FNTB: variants seen among roughly 807,000 people sequenced by gnomAD.
FNTB encodes the protein farnesyltransferase, CAAX box, subunit beta.
FNTB carries 27 observed loss-of-function variants against 59.4 expected under a neutral mutation model. That is an observed-to-expected ratio of 0.45 (90% confidence interval 0.34 to 0.63). The LOEUF (loss-of-function observed/expected upper bound fraction) is 0.63. Among genes scored for constraint, FNTB ranks in the 20% least tolerant of loss-of-function variants. FNTB has a pLI of 0.02. For synonymous variants in FNTB, 230 were observed against 220.7 expected (o/e 1.04, Z -0.37); for missense variants, 449 against 559.6 (o/e 0.80, Z 1.99).
In FNTB at chr14:64,994,655, A is replaced by C. The variant is rs72728225; in HGVS notation, c.144+7558A>C. ...TGTTATAAAAGATAAAAAATGATAG[A>C]CCTATCTAGGGAACTTAGCATGAAT... On this transcript the variant is annotated intron_variant, in intron 1 of 11. Transcript: ENST00000246166. This position sits in a 1 kb window ranked among gnomAD's most constrained non-coding sequence, Gnocchi z 4.2. Among the ~76,000 whole-genome samples the C allele has an allele frequency of 0.063, 9,551 of 152,292 alleles. 476 individuals are homozygous for C. The highest frequency in any genetic ancestry group is 0.14 in the Admixed American group (2,101 of 15,290).
In FNTB at chr14:65,001,639, C is replaced by A. The variant is rs920756075; in HGVS notation, c.145-2610C>A. Among the ~76,000 whole-genome samples the A allele has an allele frequency of 6.6e-6, 1 of 152,194 alleles. No homozygotes were observed. Among genetic ancestry groups the A allele is most frequent in the African/African-American group, 2.4e-5 (1 of 41,432 alleles). Reference sequence around the variant, plus strand: ...TATCCTGGGAGATCCTGGAACCAATCCCGCATGGATACTGAGGGATGATGG... The same window carrying A: ...TATCCTGGGAGATCCTGGAACCAATACCGCATGGATACTGAGGGATGATGG... On this transcript the variant is annotated intron_variant, in intron 1 of 11. Transcript: ENST00000246166. This position sits in a 1 kb window ranked among gnomAD's most constrained non-coding sequence, Gnocchi z 5.5.
chr14:65,029,156 G>A lies in FNTB; in HGVS notation c.605+1375G>A, dbSNP rs1328437288. ...CTCTTTGGGTGATGCTCTGCCATTC[G>A]TGCCCGTGCTTTCTATTTACATAAA... On this transcript the variant is annotated intron_variant, in intron 6 of 11. Transcript: ENST00000246166. This position sits in a 1 kb window ranked among gnomAD's most constrained non-coding sequence, Gnocchi z 4.7. Among the ~76,000 whole-genome samples, 1 of 152,052 alleles carries A rather than the reference G, an allele frequency of 6.6e-6. No individual in the cohort carries two copies. Among genetic ancestry groups the A allele is most frequent in the East Asian group, 1.9e-4 (1 of 5,194 alleles).
intron 7 of FNTB, among the ~76,000 whole-genome samples, chr14:65,040,468 TCTCA>T (rs1253543848): frequency 2.6e-5 from 4 of 151,924 alleles, no homozygotes; most frequent in Non-Finnish European, 4.4e-5. Flanking sequence ...GGAGACCTAG[TCTCA>T]CTCTTTCACC....
intron 7 of FNTB, among the ~76,000 whole-genome samples, chr14:65,033,745 T>A (rs111955910): frequency 0.011 from 1,683 of 152,196 alleles, 28 homozygotes; most frequent in East Asian, 0.087. Context: ...TAGTCCCAGC[T>A]ACTCGGGAAG....
chr14:65,041,084 C>G (rs1419421105), intron 8 of FNTB, among the ~76,000 whole-genome samples, 165 bp downstream of exon 8: 6 of 152,272 alleles, frequency 3.9e-5, no homozygotes, highest in Admixed American at 6.5e-5. Context: ...CTTGGCTCCC[C>G]CTTCTGCCTT....
chr14:64,989,614 A>G (rs1888106351), intron 1 of FNTB, among the ~76,000 whole-genome samples: 1 of 152,140 alleles, frequency 6.6e-6, no homozygotes, highest in Non-Finnish European at 1.5e-5. Flanking sequence ...TTGTTAAGCA[A>G]TAATTTGGTA....
At chr14:65,002,693 G>A (rs141464103) in intron 1 of FNTB, among the ~76,000 whole-genome samples, 1 of 152,324 alleles carries the variant, frequency 6.6e-6, no homozygotes, top group East Asian at 1.9e-4. Context: ...CTGATGAGGA[G>A]ATGGGAAGAA....
chr14:65,057,080 G>A (rs1204608301), intron 11 of FNTB, among the ~76,000 whole-genome samples: 1 of 152,142 alleles, frequency 6.6e-6, no homozygotes, highest in Non-Finnish European at 1.5e-5. Flanking sequence ...AAGAGTGAGA[G>A]CTCACGCACT....
At position 65,007,660 on chromosome 14, in the gene FNTB, A is replaced by G. The variant is rs1219903285; in HGVS notation, c.209+3347A>G. Among the ~76,000 whole-genome samples, 14 of 152,214 alleles carry G rather than the reference A, an allele frequency of 9.2e-5. No homozygotes were observed. Among genetic ancestry groups the G allele is most frequent in the East Asian group, 1.9e-4 (1 of 5,178 alleles). On this transcript the variant is annotated intron_variant, in intron 2 of 11. Transcript: ENST00000246166. This position sits in a 1 kb window ranked among gnomAD's most constrained non-coding sequence, Gnocchi z 4.9. The stretch of plus-strand genomic sequence containing the variant: ...AAGGAGCTTTTTGACCATGCTTTTC[A>G]TGGTTTTGTTTATTCATGTCTGCTT...
rs1027978618 is a variant in FNTB, at chr14:65,032,420, G to A, written c.606-190G>A. 2.0e-6 allele frequency: 1 copy of A among 507,806 alleles called. No individual in the cohort carries two copies. The highest frequency in any genetic ancestry group is 2.0e-5 in the African/African-American group (1 of 50,432). The allele number at this position is 507,806 out of a possible 1,614,324, so 31.5% of individuals were successfully genotyped here. On this transcript the variant is annotated intron_variant, in intron 6 of 11. Coordinates refer to ENST00000246166, the MANE Select transcript of FNTB (RefSeq NM_002028.4). The surrounding 1 kb of genome is among the most constrained non-coding windows in gnomAD (Gnocchi z 5.0). ...TGTTCTTTCACTGAAGCCATGCCGT[G>A]AGCAACTCTATCCAAATAGAATGTC...
chr14:64,989,719 G>A (rs544772908), intron 1 of FNTB, among the ~76,000 whole-genome samples: 11 of 152,292 alleles, frequency 7.2e-5, no homozygotes, highest in East Asian at 1.9e-4. Context: ...ATACTTGAGC[G>A]CCTTCTACGT....
chr14:65,002,398 C>G (rs568238374), intron 1 of FNTB, among the ~76,000 whole-genome samples: 114 of 152,294 alleles, frequency 7.5e-4, no homozygotes, highest in African/African-American at 2.6e-3. Flanking sequence ...CACCTGAGGT[C>G]AGGAGTTCGA....
intron 1 of FNTB, among the ~76,000 whole-genome samples, chr14:64,996,526 G>A (rs550677411): frequency 6.6e-6 from 1 of 152,252 alleles, no homozygotes; most frequent in South Asian, 2.1e-4. Flanking sequence ...TAACAGTTAG[G>A]TATAACATTG....
chr14:65,033,506 G>C (rs1439379850), intron 7 of FNTB, among the ~76,000 whole-genome samples: 1 of 152,190 alleles, frequency 6.6e-6, no homozygotes, highest in Non-Finnish European at 1.5e-5. Flanking sequence ...TCTTAGATAC[G>C]TGTATGTTCT....
chr14:65,050,551 A>G (rs1455943486), intron 9 of FNTB, among the ~76,000 whole-genome samples: 2 of 152,212 alleles, frequency 1.3e-5, no homozygotes, highest in African/African-American at 2.4e-5. Context: ...AGATCACACC[A>G]CTGCACTCCA....
rs1189907080 is a variant in FNTB, at chr14:65,055,533, G to A, written c.1182+844G>A. Among the ~76,000 whole-genome samples, 6 of 145,028 alleles carry A rather than the reference G, an allele frequency of 4.1e-5. No homozygotes were observed. The South Asian group carries it at 1.3e-3, about 32-fold the overall frequency. ...TTTTTTTAATTTTTAATTTTTTTTTGTGAGACAAAGTCTCACTCTGTCACC... is the reference window on the plus strand; with the variant it reads ...TTTTTTTAATTTTTAATTTTTTTTTATGAGACAAAGTCTCACTCTGTCACC... On this transcript the variant is annotated intron_variant, in intron 11 of 11. Coordinates refer to ENST00000246166, the MANE Select transcript of FNTB (RefSeq NM_002028.4).
chr14:65,045,077 A>G (rs920551079), intron 9 of FNTB, among the ~76,000 whole-genome samples: 4 of 152,292 alleles, frequency 2.6e-5, no homozygotes, highest in African/African-American at 9.6e-5. Flanking sequence ...TGGGGTCTCA[A>G]ATGGGAACGC....
chr14:65,010,214 T>C (rs2061661967), intron 2 of FNTB, among the ~76,000 whole-genome samples: 1 of 152,228 alleles, frequency 6.6e-6, no homozygotes, highest in African/African-American at 2.4e-5. Flanking sequence ...CCCTAGCATA[T>C]GTAAACTCTC....
chr14:65,019,740 T>C (rs554942981), intron 4 of FNTB, among the ~76,000 whole-genome samples: 57 of 152,330 alleles, frequency 3.7e-4, no homozygotes, highest in African/African-American at 1.3e-3. Context: ...ATAATGTATT[T>C]TGCTTTGTGC....
Sources: gnomAD v4.1 joint callset for allele counts (sites outside exome capture counted in the v4.1 genomes callset) on GRCh38, gnomAD v4.1.1 for gene constraint, Gnocchi (gnomAD v3.1) non-coding constraint, MANE v1.5 for transcripts, NCBI Gene and HGNC (gene_info 2026-07-23, HGNC 2026-07-21) for gene names.